PCDHGA12: variants seen among roughly 807,000 people sequenced by gnomAD.
The protein encoded by PCDHGA12 is protocadherin gamma-A12.
PCDHGA12 carries 43 observed loss-of-function variants against 61.1 expected under a neutral mutation model. That is an observed-to-expected ratio of 0.70 (90% CI 0.55 to 0.91). The LOEUF (loss-of-function observed/expected upper bound fraction) is 0.91. PCDHGA12 is among the 40% of genes least tolerant of loss of function. PCDHGA12 has a pLI of 0.00. For missense variants in PCDHGA12, 1,236 were observed against 1,227.7 expected (o/e 1.01, Z -0.10); for synonymous variants, 520 against 542.9 (o/e 0.96, Z 0.59).
chr5:141,496,876 A>G (rs964149656), intron 2 of PCDHGA12, among the ~76,000 whole-genome samples: 1 of 149,154 alleles, frequency 6.7e-6, no homozygotes, highest in African/African-American at 2.5e-5. Flanking sequence ...AAAATTTGCA[A>G]CAAGTAACAC....
In PCDHGA12 at chr5:141,503,993, C is replaced by T. The variant is rs376134059; in HGVS notation, c.2484-1400C>T. Reference sequence around the variant, plus strand: ...GTGCCAAACCCTTCTTCTTACCTTACAGTCACTTAACTGTCTCTGCTGGTC... The same window carrying T: ...GTGCCAAACCCTTCTTCTTACCTTATAGTCACTTAACTGTCTCTGCTGGTC... On this transcript the variant is annotated intron_variant, in intron 2 of 3. Transcript: ENST00000252085. Among the ~76,000 whole-genome samples, 13 of 152,312 alleles carry T rather than the reference C, an allele frequency of 8.5e-5. 1 individual carries two copies. In the East Asian group the frequency reaches 1.7e-3, roughly 20 times the overall value.
At chr5:141,472,855 A>C (rs1179268125) in intron 1 of PCDHGA12, among the ~76,000 whole-genome samples, 3 of 151,078 alleles carry the variant, frequency 2.0e-5, no homozygotes, top group African/African-American at 7.3e-5. Flanking sequence ...GCATGGTGGC[A>C]CATGCCTGTA....
rs774505854 is a variant in PCDHGA12 at position 141,490,507 on chromosome 5, G to A, written c.2425-4300G>A. The A allele has an allele frequency of 5.6e-6, 9 of 1,613,898 alleles. No individual in the cohort carries two copies. The highest frequency in any genetic ancestry group is 4.0e-5 in the African/African-American group (3 of 74,868). ...GGAGGCCACATCCCACTATATCATC[G>A]AGCTGCTGGCCAGCGATGCTGGTTC... On this transcript the variant is annotated intron_variant, in intron 1 of 3. Transcript: ENST00000252085. This position sits in a 1 kb window ranked among gnomAD's most constrained non-coding sequence, Gnocchi z 5.4.
intron 1 of PCDHGA12, among the ~76,000 whole-genome samples, chr5:141,443,679 A>G (rs1158105871): frequency 6.6e-6 from 1 of 152,268 alleles, no homozygotes; most frequent in African/African-American, 2.4e-5. Flanking sequence ...AGTAGTTTAC[A>G]AACACTTCAA....
chr5:141,469,581 A>G (rs543624370), intron 1 of PCDHGA12, among the ~76,000 whole-genome samples: 1 of 152,340 alleles, frequency 6.6e-6, no homozygotes, highest in Admixed American at 6.5e-5. Flanking sequence ...CTCTAAATAA[A>G]TAAATAAATA....
At chr5:141,462,071 C>T (rs1473972601) in intron 1 of PCDHGA12, among the ~76,000 whole-genome samples, 1 of 152,214 alleles carries the variant, frequency 6.6e-6, no homozygotes, top group African/African-American at 2.4e-5. Context: ...GATCTGCCCG[C>T]CTTGGCCTCC....
chr5:141,494,948 G>C (rs909146), intron 2 of PCDHGA12, 83 bp downstream of exon 2: 1 of 1,608,226 alleles, frequency 6.2e-7, no homozygotes, highest in South Asian at 1.1e-5. Flanking sequence ...GGAGGGCCCA[G>C]CATTTGCTAC....
At chr5:141,497,719 T>C (rs1311566820) in intron 2 of PCDHGA12, among the ~76,000 whole-genome samples, 2 of 152,076 alleles carry the variant, frequency 1.3e-5, no homozygotes, top group Non-Finnish European at 2.9e-5. Context: ...TTTGTATTTT[T>C]AGTAGAGATG....
rs2097401329 is a variant in PCDHGA12 at position 141,431,623 on chromosome 5, G to A, written c.864G>A (p.Ala288=). 1 of 1,614,192 alleles carries A rather than the reference G, an allele frequency of 6.2e-7. No homozygotes were observed. The highest frequency in any genetic ancestry group is 1.7e-5 in the Admixed American group (1 of 60,028). The change falls in exon 1 of 4, where the codon GCG becomes GCA. Residue 288 remains alanine, a synonymous_variant. Coordinates refer to ENST00000252085, the MANE Select transcript of PCDHGA12 (RefSeq NM_003735.3). This position sits in a 1 kb window ranked among gnomAD's most constrained non-coding sequence, Gnocchi z 4.8. ...RYSFRYVDDK[A]AQVFKLDCNS... is the part of the protein sequence containing the mutation. ...CCTTCCGGTATGTGGACGACAAGGC[G>A]GCCCAAGTTTTCAAACTAGATTGTA...
rs2099631185 is a variant in PCDHGA12, at chr5:141,486,568, T to C, written c.2425-8239T>C. Reference sequence around the variant, plus strand: ...AGAGGTCACATGAGGTGTTTGTTCCTGAGAACAATCGCCCAGGGGACCTGC... The same window carrying C: ...AGAGGTCACATGAGGTGTTTGTTCCCGAGAACAATCGCCCAGGGGACCTGC... On this transcript the variant is annotated intron_variant, in intron 1 of 3. Coordinates refer to ENST00000252085, the MANE Select transcript of PCDHGA12 (RefSeq NM_003735.3). The surrounding 1 kb of genome is among the most constrained non-coding windows in gnomAD (Gnocchi z 5.0). 1.9e-6 allele frequency: 3 copies of C among 1,613,862 alleles called. No homozygotes were observed. The South Asian group carries it at 3.3e-5, about 18-fold the overall frequency.
intron 1 of PCDHGA12, chr5:141,475,997 G>T: frequency 8.4e-7 from 1 of 1,184,406 alleles, no homozygotes; most frequent in Non-Finnish European, 1.2e-6. Flanking sequence ...CAAATCAACG[G>T]CATCCAGAAA....
chr5:141,501,852 A>G (rs922276780), intron 2 of PCDHGA12, among the ~76,000 whole-genome samples: 2 of 151,924 alleles, frequency 1.3e-5, no homozygotes, highest in African/African-American at 4.8e-5. Context: ...TCAACCTTCA[A>G]CCATTTCCCA....
At chr5:141,482,888 A>G (rs1012212528) in intron 1 of PCDHGA12, among the ~76,000 whole-genome samples, 3 of 152,208 alleles carry the variant, frequency 2.0e-5, no homozygotes, top group African/African-American at 7.2e-5. Context: ...CCTGGCCAAC[A>G]TGGTGAAACC....
chr5:141,472,954 C>A (rs2099305799), intron 1 of PCDHGA12, among the ~76,000 whole-genome samples: 1 of 143,370 alleles, frequency 7.0e-6, no homozygotes, highest in Admixed American at 7.3e-5. Flanking sequence ...CCATTGCACT[C>A]CAGCCTGGGG....
intron 2 of PCDHGA12, among the ~76,000 whole-genome samples, chr5:141,500,324 T>G (rs1165047676): frequency 6.6e-6 from 1 of 151,994 alleles, no homozygotes; most frequent in African/African-American, 2.4e-5. Flanking sequence ...TGCTCCTGCC[T>G]CAGCCTCCAG....
At chr5:141,501,206 A>G (rs977574347) in intron 2 of PCDHGA12, among the ~76,000 whole-genome samples, 22 of 151,674 alleles carry the variant, frequency 1.5e-4, no homozygotes, top group African/African-American at 5.3e-4. Context: ...GGGTGTTGTC[A>G]GGGTGACTTC....
intron 1 of PCDHGA12, chr5:141,478,142 G>A: frequency 3.7e-6 from 6 of 1,613,988 alleles, no homozygotes; most frequent in Non-Finnish European, 4.2e-6. Flanking sequence ...AGCCCGAGCC[G>A]AGTTCCCCTC....
Position 141,434,784 on chromosome 5 carries a change from AT to A in PCDHGA12, c.2424+1610del, listed in dbSNP as rs201914459. On this transcript the variant is annotated intron_variant, in intron 1 of 3. Transcript: ENST00000252085. The stretch of plus-strand genomic sequence containing the variant: ...ACTTCACACTTCTAAAAAAAAAAAA[AT>A]TTTTTTTTCTGAGCTTGGAGAAATA... Among the ~76,000 whole-genome samples the A allele has an allele frequency of 3.3e-4, 49 of 150,342 alleles. 1 individual carries two copies. Among genetic ancestry groups the A allele is most frequent in the Middle Eastern group, 3.4e-3 (1 of 290 alleles).
At chr5:141,484,863 G>T (rs561595169) in intron 1 of PCDHGA12, 136 of 273,782 alleles carry the variant, frequency 5.0e-4, no homozygotes, top group African/African-American at 2.8e-3. Context: ...GGGGGTGGGG[G>T]AGCGTGGAGG....
Sources: allele counts gnomAD v4.1 joint callset (sites outside exome capture counted in the v4.1 genomes callset), GRCh38; gene constraint gnomAD v4.1.1; non-coding constraint Gnocchi (gnomAD v3.1); transcripts MANE v1.5; gene names NCBI Gene and HGNC (gene_info 2026-07-23, HGNC 2026-07-21).